The following FOXJ2 variants were observed in gnomAD, a reference collection of about 807,000 sequenced individuals.
The protein encoded by FOXJ2 is forkhead box protein J2.
In FOXJ2, 18 loss-of-function variants were observed where a neutral mutation model predicts 68.4. The observed-to-expected ratio is 0.26, with a 90% confidence interval of 0.18 to 0.39. The LOEUF is 0.39. FOXJ2 is among the 10% of genes least tolerant of loss of function. FOXJ2 has a pLI of 1.00. For missense variants in FOXJ2, 670 were observed against 726.5 expected (o/e 0.92, Z 0.89); for synonymous variants, 274 against 263.2 (o/e 1.04, Z -0.40).
Position 8,044,963 on chromosome 12 carries a change from G to A in FOXJ2, c.817+5G>A. 6.2e-7 allele frequency: 1 copy of A among 1,614,150 alleles called. No individual in the cohort carries two copies. Among genetic ancestry groups the A allele is most frequent in the Non-Finnish European group, 8.5e-7 (1 of 1,179,970 alleles). ...CCTCTTCCTCCTCTCAGCACGGTGA[G>A]TCTGGAGTTGGGATGGGTGCAGGGA... On this transcript the variant is annotated splice_donor_5th_base_variant and intron_variant, in intron 6 of 10. Transcript: ENST00000162391.
chr12:8,038,200 G>C lies in FOXJ2; in HGVS notation c.-14-1619G>C, dbSNP rs764957253. On this transcript the variant is annotated intron_variant, in intron 1 of 10. Coordinates refer to ENST00000162391, the MANE Select transcript of FOXJ2 (RefSeq NM_018416.3). This position sits in a 1 kb window ranked among gnomAD's most constrained non-coding sequence, Gnocchi z 5.3. Reference sequence around the variant, plus strand: ...ATGCAGATTGCCATCTGCGTGGGTGGGACCTTGGGGAGAGGGGAGTAAGTC... The same window carrying C: ...ATGCAGATTGCCATCTGCGTGGGTGCGACCTTGGGGAGAGGGGAGTAAGTC... 3.3e-5 allele frequency among the ~76,000 whole-genome samples: 5 copies of C among 152,228 alleles called. No homozygotes were observed. In the East Asian group the frequency reaches 9.7e-4, roughly 29 times the overall value.
chr12:8,052,524 G>A (rs1947139650), intron 10 of FOXJ2, among the ~76,000 whole-genome samples: 1 of 152,212 alleles, frequency 6.6e-6, no homozygotes, highest in Non-Finnish European at 1.5e-5. Flanking sequence ...GGCGTCAGAA[G>A]TATAATTGTT....
Position 8,032,731 on chromosome 12 carries a change from C to A in FOXJ2, c.-1117C>A. 2 of 394,320 alleles carry A rather than the reference C, an allele frequency of 5.1e-6. No individual in the cohort carries two copies. The highest frequency in any genetic ancestry group is 9.0e-6 in the Non-Finnish European group (2 of 223,364). The allele number at this position is 394,320 out of a possible 1,614,324, so 24.4% of individuals were successfully genotyped here. On this transcript the variant is annotated 5_prime_UTR_variant, in exon 1 of 11. Transcript: ENST00000162391. This position sits in a 1 kb window ranked among gnomAD's most constrained non-coding sequence, Gnocchi z 4.8. ...GCCGGGGCCTGCAGCGGAGCCGAGC[C>A]GAGCCCGAGCCCGCGCCGAGCCCTG... is the stretch of plus-strand genomic sequence containing the variant.
chr12:8,039,040 TGGGC>T (rs1946932622), intron 1 of FOXJ2, among the ~76,000 whole-genome samples: 1 of 152,078 alleles, frequency 6.6e-6, no homozygotes, highest in South Asian at 2.1e-4. Context: ...TTGGTGTCTG[TGGGC>T]GGGAGCGTGC....
At chr12:8,047,179 G>A (rs986230177) in intron 6 of FOXJ2, among the ~76,000 whole-genome samples, 10 of 152,056 alleles carry the variant, frequency 6.6e-5, no homozygotes, top group African/African-American at 1.9e-4. Flanking sequence ...GGGGCCGGTC[G>A]TGGTGTCTCA....
At chr12:8,052,259 A>G (rs965888170) in intron 10 of FOXJ2, among the ~76,000 whole-genome samples, 33 of 141,192 alleles carry the variant, frequency 2.3e-4, no homozygotes, top group African/African-American at 7.4e-4. Context: ...GTCTCGCTCT[A>G]TCGCCCAGGC....
chr12:8,034,712 T>G (rs1361863568), intron 1 of FOXJ2, among the ~76,000 whole-genome samples: 1 of 152,228 alleles, frequency 6.6e-6, no homozygotes, highest in Non-Finnish European at 1.5e-5. Flanking sequence ...CTGAGGAGTA[T>G]ATAAAGTTTC....
chr12:8,036,429 G>A (rs1336754092), intron 1 of FOXJ2, among the ~76,000 whole-genome samples: 1 of 152,102 alleles, frequency 6.6e-6, no homozygotes, highest in Non-Finnish European at 1.5e-5. Context: ...TTCATTAGAC[G>A]TCGTGTGGAT....
At chr12:8,045,473 C>T (rs1947024920) in intron 6 of FOXJ2, among the ~76,000 whole-genome samples, 1 of 151,914 alleles carries the variant, frequency 6.6e-6, no homozygotes, top group Non-Finnish European at 1.5e-5. Flanking sequence ...GCCTTGGCCA[C>T]CCAAAGTGTT....
chr12:8,042,615 T>C, intron 2 of FOXJ2, 43 bp from the exon 3 acceptor site: 1 of 1,532,334 alleles, frequency 6.5e-7, no homozygotes, highest in Non-Finnish European at 9.0e-7. Context: ...AATGTTCTGC[T>C]CTGCATAATG....
chr12:8,052,526 A>G (rs1213761411), intron 10 of FOXJ2, among the ~76,000 whole-genome samples: 1 of 152,210 alleles, frequency 6.6e-6, no homozygotes, highest in Non-Finnish European at 1.5e-5. Flanking sequence ...CGTCAGAAGT[A>G]TAATTGTTAA....
chr12:8,039,205 T>G (rs1946934299), intron 1 of FOXJ2, among the ~76,000 whole-genome samples: 2 of 152,278 alleles, frequency 1.3e-5, no homozygotes, highest in South Asian at 4.1e-4. Flanking sequence ...GTCTGCTGGT[T>G]GTCATGTATA....
chr12:8,046,358 T>C (rs1947036865), intron 6 of FOXJ2, among the ~76,000 whole-genome samples: 1 of 152,194 alleles, frequency 6.6e-6, no homozygotes, highest in African/African-American at 2.4e-5. Flanking sequence ...CAACTTTAAG[T>C]TATCAGTATT....
chr12:8,049,599 G>A (rs770379168), intron 9 of FOXJ2, 28 bp downstream of exon 9: 4 of 1,526,666 alleles, frequency 2.6e-6, no homozygotes, highest in East Asian at 4.6e-5. Flanking sequence ...TTGCCATGGA[G>A]GTGGAGACTA....
chr12:8,036,809 C>A (rs1383556707), intron 1 of FOXJ2, among the ~76,000 whole-genome samples: 3 of 152,124 alleles, frequency 2.0e-5, no homozygotes, highest in African/African-American at 7.2e-5. Flanking sequence ...TCACTGGGGG[C>A]CAGGCATGGT....
Position 8,040,273 on chromosome 12 carries a change from C to T in FOXJ2, c.333+108C>T. 1 of 1,193,386 alleles carries T rather than the reference C, an allele frequency of 8.4e-7. No homozygotes were observed. Among genetic ancestry groups the T allele is most frequent in the South Asian group, 1.5e-5 (1 of 66,724 alleles). The allele number at this position is 1,193,386 out of a possible 1,614,324, so 73.9% of individuals were successfully genotyped here. Reference sequence around the variant, plus strand: ...CTGTTCAGTTTACTCTGGTTTGTCTCAGAGATGTGAAAACTTAAAATCTCA... The same window carrying T: ...CTGTTCAGTTTACTCTGGTTTGTCTTAGAGATGTGAAAACTTAAAATCTCA... On this transcript the variant is annotated intron_variant, in intron 2 of 10. Transcript: ENST00000162391. This position sits in a 1 kb window ranked among gnomAD's most constrained non-coding sequence, Gnocchi z 4.0.
intron 6 of FOXJ2, among the ~76,000 whole-genome samples, chr12:8,046,474 C>CA (rs1207207692): frequency 4.6e-5 from 7 of 152,176 alleles, no homozygotes; most frequent in Admixed American, 4.6e-4. Flanking sequence ...CTTCGATATA[C>CA]ACCTCTAAAT....
intron 4 of FOXJ2, 60 bp from the exon 5 acceptor site, chr12:8,043,891 T>C (rs1947000888): frequency 1.9e-6 from 3 of 1,580,484 alleles, no homozygotes; most frequent in South Asian, 1.2e-5. Flanking sequence ...GGGGAAACCA[T>C]GGGTCTTGGG....
intron 7 of FOXJ2, 53 bp from the exon 8 acceptor site, chr12:8,048,644 G>A: frequency 6.7e-7 from 1 of 1,494,470 alleles, no homozygotes; most frequent in Non-Finnish European, 9.3e-7. Context: ...TCAGTTGACT[G>A]CTGTCTTACA....
Sources: gnomAD v4.1 joint callset for allele counts (sites outside exome capture counted in the v4.1 genomes callset) on GRCh38, gnomAD v4.1.1 for gene constraint, Gnocchi (gnomAD v3.1) non-coding constraint, MANE v1.5 for transcripts, NCBI Gene and HGNC (gene_info 2026-07-23, HGNC 2026-07-21) for gene names.